CHD9: variants seen among roughly 807,000 people sequenced by gnomAD.
CHD9 encodes chromodomain helicase DNA binding protein 9, also known as ATP-dependent chromatin remodeler CHD9.
In CHD9, 77 loss-of-function variants were observed where a neutral mutation model predicts 316.1. The ratio of observed to expected loss-of-function variants is 0.24; its 90% CI spans 0.20 to 0.29. CHD9 has a LOEUF of 0.29. Ranked by LOEUF, CHD9 falls within the 10% of genes least tolerant of loss-of-function variation. The pLI is 1.00. For missense variants in CHD9, 2,763 were observed against 3,438.1 expected, an observed-to-expected ratio of 0.80 and a Z score of 4.91; for synonymous variants, 1,129 against 1,158.3, an observed-to-expected ratio of 0.97 and a Z score of 0.51.
chr16:53,293,242 G>C (rs776302283), intron 29 of CHD9, among the ~76,000 whole-genome samples, 190 bp downstream of exon 29: 1 of 152,010 alleles, frequency 6.6e-6, no homozygotes, highest in Non-Finnish European at 1.5e-5. Context: ...AACTTATAAA[G>C]ATTATTGTGT....
rs151287317 is a variant in CHD9 at position 53,297,274 on chromosome 16, G to C, written c.5713+116G>C. On this transcript the variant is annotated intron_variant, in intron 30 of 38. Transcript: ENST00000447540. ...ATTTCAATACTATCTAATTCAACTTGTCAGTAATTTTTTAGAATTATAAAT... is the reference window on the plus strand; with the variant it reads ...ATTTCAATACTATCTAATTCAACTTCTCAGTAATTTTTTAGAATTATAAAT... 914 of 711,822 alleles carry C rather than the reference G, an allele frequency of 1.3e-3. 5 individuals carry two copies. In the African/African-American group the frequency reaches 0.014, roughly 11 times the overall value. 44.1% of individuals were successfully genotyped at this position (711,822 alleles called of 1,614,324 possible).
chr16:53,225,167 A>G (rs1307281522), intron 4 of CHD9, among the ~76,000 whole-genome samples: 2 of 152,170 alleles, frequency 1.3e-5, no homozygotes, highest in South Asian at 2.1e-4. Flanking sequence ...CATTTTTGTC[A>G]TGGCTGTGAA....
chr16:53,278,863 G>A (rs539312490), intron 24 of CHD9, among the ~76,000 whole-genome samples: 287 of 152,204 alleles, frequency 1.9e-3, no homozygotes, highest in African/African-American at 6.4e-3. Context: ...GAAACAACAG[G>A]TGCTGGAGAG....
chr16:53,218,264 T>C (rs1306560734), intron 3 of CHD9, among the ~76,000 whole-genome samples: 1 of 152,104 alleles, frequency 6.6e-6, no homozygotes, highest in Admixed American at 6.5e-5. Flanking sequence ...TGTAGAACAA[T>C]GTTGGAAGAA....
chr16:53,238,037 C>T (rs1567537002), intron 11 of CHD9, among the ~76,000 whole-genome samples: 1 of 152,074 alleles, frequency 6.6e-6, no homozygotes, highest in Non-Finnish European at 1.5e-5. Flanking sequence ...TCCTGAGATA[C>T]AGAAGGTATT....
intron 8 of CHD9, among the ~76,000 whole-genome samples, 182 bp downstream of exon 8, chr16:53,229,282 A>T (rs1664367796): frequency 6.6e-6 from 1 of 152,230 alleles, no homozygotes; most frequent in South Asian, 2.1e-4. Flanking sequence ...TGAAACAGGA[A>T]CACTGATAAT....
Position 53,273,677 on chromosome 16 carries a change from A to G in CHD9, c.4769A>G (p.Gln1590Arg). The change falls in exon 23 of 39, where the codon CAA becomes CGA. Residue 1590 changes from glutamine to arginine, a missense_variant. By Grantham distance (43) the Gln-to-Arg change is conservative (BLOSUM62 1). This residue lies in a region of CHD9 where 99 missense variants were observed against 131.6 expected (regional missense o/e 0.75). Transcript: ENST00000447540. ...CGAAAAGGGAAGAAAGTAAAAACTCAAACAAGCTCATTTGATATACAAAAA... is the reference window on the plus strand; with the variant it reads ...CGAAAAGGGAAGAAAGTAAAAACTCGAACAAGCTCATTTGATATACAAAAA... ...RGRKGKKVKT[Q>R]TSSFDIQKAE... 1 of 1,613,292 alleles carries G rather than the reference A, an allele frequency of 6.2e-7. No individual in the cohort carries two copies.
chr16:53,211,540 G>C (rs1405731090), intron 3 of CHD9, among the ~76,000 whole-genome samples: 1 of 151,876 alleles, frequency 6.6e-6, no homozygotes, highest in African/African-American at 2.4e-5. Context: ...TTTTGTTTTG[G>C]CTAAATACAT....
At chr16:53,308,961 C>A in intron 34 of CHD9, 107 bp downstream of exon 34, 1 of 802,808 alleles carries the variant, frequency 1.2e-6, no homozygotes, top group Non-Finnish European at 1.9e-6. Flanking sequence ...TTGTTGGAAC[C>A]TCTTAAGCCT....
At chr16:53,319,107 C>G (rs1483071032) in intron 37 of CHD9, among the ~76,000 whole-genome samples, 1 of 152,088 alleles carries the variant, frequency 6.6e-6, no homozygotes, top group Non-Finnish European at 1.5e-5. Flanking sequence ...TCTCTTTTAC[C>G]TCACAAAATA....
At chr16:53,259,187 T>G (rs1036664324) in intron 19 of CHD9, among the ~76,000 whole-genome samples, 1 of 152,198 alleles carries the variant, frequency 6.6e-6, no homozygotes, top group African/African-American at 2.4e-5. Flanking sequence ...TAAGCTATCT[T>G]GTAAATAGGT....
chr16:53,222,503 G>C (rs1308214046), intron 3 of CHD9, 141 bp from the exon 4 acceptor site: 1 of 582,148 alleles, frequency 1.7e-6, no homozygotes, highest in African/African-American at 1.9e-5. Context: ...ATGTCAACGT[G>C]GATTTCAGGA....
At chr16:53,097,622 G>C (rs2036494862) in intron 1 of CHD9, among the ~76,000 whole-genome samples, 1 of 152,146 alleles carries the variant, frequency 6.6e-6, no homozygotes, top group Non-Finnish European at 1.5e-5. Flanking sequence ...AGTTTTGTCT[G>C]TATCTTTAGT....
intron 24 of CHD9, among the ~76,000 whole-genome samples, 193 bp from the exon 25 acceptor site, chr16:53,285,403 C>T (rs567019224): frequency 1.3e-5 from 2 of 152,054 alleles, no homozygotes; most frequent in African/African-American, 4.8e-5. Flanking sequence ...TAACAATGTT[C>T]GTTTATTTTA....
At position 53,325,018 on chromosome 16, in the gene CHD9, A is replaced by C; in HGVS notation, c.*123A>C. ...GACCGAACATTTCAGTTATTTGTTT[A>C]GAAGTGCAAACTGCTTTCAGAGACT... On this transcript the variant is annotated 3_prime_UTR_variant, in exon 39 of 39. Transcript: ENST00000447540. 1 of 838,908 alleles carries C rather than the reference A, an allele frequency of 1.2e-6. No homozygotes were observed. Among genetic ancestry groups the C allele is most frequent in the Non-Finnish European group, 1.8e-6 (1 of 561,904 alleles). The allele number at this position is 838,908 out of a possible 1,614,324, so 52.0% of individuals were successfully genotyped here.
chr16:53,250,816 G>A (rs1057255963), intron 17 of CHD9, among the ~76,000 whole-genome samples: 1 of 151,886 alleles, frequency 6.6e-6, no homozygotes, highest in African/African-American at 2.4e-5. Flanking sequence ...ATTCATATTA[G>A]TACTTTTTTT....
chr16:53,242,998 C>A lies in CHD9; in HGVS notation c.3036C>A (p.Gly1012=). The A allele has an allele frequency of 6.2e-7, 1 of 1,605,082 alleles. No individual in the cohort carries two copies. Among genetic ancestry groups the A allele is most frequent in the Non-Finnish European group, 8.5e-7 (1 of 1,174,198 alleles). The change falls in exon 13 of 39, where the codon GGC becomes GGA. Residue 1012 remains glycine (G), a synonymous_variant. Transcript: ENST00000447540. ...ATAAAAATTGTAAACTCTTAGAGGG[C>A]CTGAAACTCATGAATCTGGTAAGTA... ...LKNKNCKLLE[G]LKLMNLEHKV... is the part of the protein sequence containing the mutation.
At chr16:53,132,793 C>CCTTT (rs2039421295) in intron 1 of CHD9, among the ~76,000 whole-genome samples, 1 of 68,508 alleles carries the variant, frequency 1.5e-5, no homozygotes, top group African/African-American at 5.2e-5. Context: ...TCTAATTCTG[C>CCTTT]TTTTTTTTTT....
intron 6 of CHD9, 28 bp downstream of exon 6, chr16:53,227,492 CT>C (rs750322453): frequency 2.2e-6 from 3 of 1,365,918 alleles, no homozygotes; most frequent in Non-Finnish European, 3.0e-6. Context: ...ACATTTTACA[CT>C]TCATATTCTG....
Sources: allele counts gnomAD v4.1 joint callset (sites outside exome capture counted in the v4.1 genomes callset), GRCh38; gene constraint gnomAD v4.1.1; regional missense constraint gnomAD v4.1.1; transcripts MANE v1.5; gene names NCBI Gene and HGNC (gene_info 2026-07-23, HGNC 2026-07-21).